FRMPD4: variants seen among roughly 807,000 people sequenced by gnomAD.
The protein encoded by FRMPD4 is FERM and PDZ domain-containing protein 4.
Under a neutral mutation model 94.1 loss-of-function variants are expected in FRMPD4, and 22 were observed. That is an observed-to-expected ratio of 0.23 (90% CI 0.17 to 0.33). FRMPD4 has a LOEUF of 0.33. Among genes scored for constraint, FRMPD4 ranks in the 10% least tolerant of loss-of-function variants. The pLI, the probability that FRMPD4 is intolerant of heterozygous loss-of-function variation, is 1.00. For synonymous variants in FRMPD4, 631 were observed against 548.6 expected (o/e 1.15, Z -2.10); for missense variants, 1,111 against 1,339.9 (o/e 0.83, Z 2.67).
chrX:12,214,440 C>A (rs929448964), intron 1 of FRMPD4, among the ~76,000 whole-genome samples: 1 of 112,089 alleles, frequency 8.9e-6, no homozygotes, highest in Non-Finnish European at 1.9e-5. Context: ...ATGATTTATA[C>A]CCTGTTGTAG....
chrX:12,351,869 A>G (rs2055819870), intron 1 of FRMPD4, among the ~76,000 whole-genome samples: 1 of 112,841 alleles, frequency 8.9e-6, no homozygotes, highest in Non-Finnish European at 1.9e-5. Flanking sequence ...TATTGAATGA[A>G]TATATCACAA....
At chrX:12,309,309 A>G (rs193149720) in intron 1 of FRMPD4, among the ~76,000 whole-genome samples, 51 of 110,721 alleles carry the variant, frequency 4.6e-4, no homozygotes, top group African/African-American at 1.5e-3. Context: ...CGAGACACTT[A>G]GTCATTTTCA....
At chrX:12,696,154 CTTTA>C (rs1569059136) in intron 9 of FRMPD4, among the ~76,000 whole-genome samples, 1 of 112,463 alleles carries the variant, frequency 8.9e-6, no homozygotes, top group African/African-American at 3.2e-5. Flanking sequence ...TTCCCTTCTC[CTTTA>C]TTTACTTATT....
chrX:12,698,712 T>C (rs1210069426), intron 9 of FRMPD4, among the ~76,000 whole-genome samples: 2 of 110,928 alleles, frequency 1.8e-5, no homozygotes, highest in Non-Finnish European at 3.8e-5. Context: ...TGTCAAAAAA[T>C]TCATCCAGAA....
intron 3 of FRMPD4, among the ~76,000 whole-genome samples, chrX:11,967,345 A>G (rs909657179): frequency 7.6e-4 from 85 of 112,311 alleles, no homozygotes; most frequent in African/African-American, 2.6e-3. Flanking sequence ...TGTACAGTGT[A>G]ATGAACTGTT....
chrX:12,094,275 C>A (rs754202988), intron 3 of FRMPD4, among the ~76,000 whole-genome samples: 1 of 112,229 alleles, frequency 8.9e-6, no homozygotes, highest in Non-Finnish European at 1.9e-5. Flanking sequence ...AGTTTATTGA[C>A]ATTAATTAAT....
chrX:11,981,749 T>C (rs1042085425), intron 3 of FRMPD4, among the ~76,000 whole-genome samples: 1 of 111,567 alleles, frequency 9.0e-6, no homozygotes, highest in South Asian at 3.7e-4. Flanking sequence ...ATATATTTTG[T>C]CCCCCATTTT....
At chrX:12,660,597 CTGTT>C (rs2059703845) in intron 4 of FRMPD4, among the ~76,000 whole-genome samples, 1 of 112,568 alleles carries the variant, frequency 8.9e-6, no homozygotes, top group South Asian at 3.6e-4. Flanking sequence ...AATTTCAAAA[CTGTT>C]TGACTGTTTT....
chrX:12,042,113 A>G (rs1218779481), intron 3 of FRMPD4, among the ~76,000 whole-genome samples: 1 of 110,609 alleles, frequency 9.0e-6, no homozygotes, highest in East Asian at 2.8e-4. Context: ...TCTTTTAAAT[A>G]TGGTTTCCTT....
intron 1 of FRMPD4, among the ~76,000 whole-genome samples, chrX:11,862,545 G>A (rs1023799442): frequency 9.0e-6 from 1 of 110,984 alleles, no homozygotes; most frequent in African/African-American, 3.3e-5. Flanking sequence ...TCCTACAGTT[G>A]TGTCAGGGCT....
intron 1 of FRMPD4, among the ~76,000 whole-genome samples, chrX:12,409,035 G>T (rs919155056): frequency 1.8e-5 from 2 of 111,421 alleles, no homozygotes; most frequent in African/African-American, 6.5e-5. Context: ...GGTCTTACTA[G>T]AAGAAGGGGA....
At chrX:12,224,801 G>A (rs1053447066) in intron 1 of FRMPD4, among the ~76,000 whole-genome samples, 1 of 111,072 alleles carries the variant, frequency 9.0e-6, no homozygotes, top group African/African-American at 3.3e-5. Context: ...ATTTTTCTTT[G>A]AATTATTTTC....
intron 1 of FRMPD4, among the ~76,000 whole-genome samples, chrX:12,159,815 A>G (rs775292152): frequency 2.2e-4 from 25 of 112,281 alleles, no homozygotes; most frequent in Non-Finnish European, 4.3e-4. Flanking sequence ...AGAAGCTAAT[A>G]AAAATGAGAG....
chrX:12,371,462 A>G (rs767823831), intron 1 of FRMPD4, among the ~76,000 whole-genome samples: 107 of 112,512 alleles, frequency 9.5e-4, no homozygotes, highest in South Asian at 1.8e-3. Context: ...TTCTAAACTG[A>G]TTTACTTGTG....
At chrX:12,090,185 G>A (rs2055142524) in intron 3 of FRMPD4, among the ~76,000 whole-genome samples, 2 of 110,944 alleles carry the variant, frequency 1.8e-5, no homozygotes, top group Admixed American at 1.9e-4. Context: ...AATCTTGGGG[G>A]TGGATTTCTC....
intron 4 of FRMPD4, among the ~76,000 whole-genome samples, chrX:12,670,270 G>A (rs35641786): frequency 0.056 from 6,314 of 111,823 alleles, 193 homozygotes; most frequent in African/African-American, 0.1. Flanking sequence ...CCCTGTCTTA[G>A]TCAAAGGGTG....
intron 3 of FRMPD4, among the ~76,000 whole-genome samples, chrX:12,026,424 A>G (rs1260678164): frequency 1.8e-5 from 2 of 111,742 alleles, no homozygotes; most frequent in Non-Finnish European, 3.8e-5. Context: ...TTTAACCGAG[A>G]AATGTGAAAA....
chrX:11,986,593 TTGAAA>T (rs2054430722), intron 3 of FRMPD4, among the ~76,000 whole-genome samples: 1 of 110,587 alleles, frequency 9.0e-6, no homozygotes, highest in Non-Finnish European at 1.9e-5. Context: ...ATAAATAAAA[TTGAAA>T]TGAAGAAAAC....
chrX:12,516,280 T>C (rs1019697354), intron 2 of FRMPD4, among the ~76,000 whole-genome samples: 7 of 112,238 alleles, frequency 6.2e-5, no homozygotes, highest in African/African-American at 2.3e-4. Context: ...GTTGATGTAG[T>C]TGCTTCATAG....
Sources: allele counts gnomAD v4.1 joint callset (sites outside exome capture counted in the v4.1 genomes callset), GRCh38; gene constraint gnomAD v4.1.1; transcripts MANE v1.5; gene names NCBI Gene and HGNC (gene_info 2026-07-23, HGNC 2026-07-21).